DCAF8L2: variants seen among roughly 807,000 people sequenced by gnomAD.
DCAF8L2 encodes DDB1- and CUL4-associated factor 8-like protein 2.
For missense variants in DCAF8L2, 430 were observed against 490.7 expected, an observed-to-expected ratio of 0.88 and a Z score of 1.17; for synonymous variants, 200 against 190.9, an observed-to-expected ratio of 1.05 and a Z score of -0.39.
At position 27,749,832 on chromosome X, in the gene DCAF8L2, C is replaced by T. The variant is rs773052931; in HGVS notation, c.*1041C>T. 8.9e-6 allele frequency among the ~76,000 whole-genome samples: 1 copy of T among 112,572 alleles called. No individual in the cohort carries two copies. Among genetic ancestry groups the T allele is most frequent in the African/African-American group, 3.2e-5 (1 of 31,056 alleles). On this transcript the variant is annotated 3_prime_UTR_variant, in exon 5 of 5. Coordinates refer to ENST00000451261, the MANE Select transcript of DCAF8L2 (RefSeq NM_001353450.2). ...ACATCCTCACATTGCTTAAAATTCT[C>T]TCTGCTGTTTAAATTGCTTTAAAAA...
chrX:27,578,782 A>G, the DCAF8L2 span, among the ~76,000 whole-genome samples: 6 of 111,307 alleles, frequency 5.4e-5, no homozygotes, highest in Admixed American at 4.8e-4. Context: ...CCTTTATGTG[A>G]CCAACAAACG....
At chrX:27,722,370 G>A (rs1454037702) in intron 4 of DCAF8L2, among the ~76,000 whole-genome samples, 1 of 111,211 alleles carries the variant, frequency 9.0e-6, no homozygotes, top group African/African-American at 3.3e-5. Context: ...TTAATAAACC[G>A]AACCTATTGA....
At chrX:27,548,789 A>C in the DCAF8L2 span, among the ~76,000 whole-genome samples, 1 of 111,974 alleles carries the variant, frequency 8.9e-6, no homozygotes, top group African/African-American at 3.2e-5. Context: ...CATTTCATCT[A>C]GGTTGAATAA....
chrX:27,485,998 T>C, the DCAF8L2 span, among the ~76,000 whole-genome samples: 3 of 101,628 alleles, frequency 3.0e-5, no homozygotes, highest in African/African-American at 1.1e-4. Flanking sequence ...TATCGTATTA[T>C]GTTCCACTCT....
chrX:27,529,270 T>C, the DCAF8L2 span, among the ~76,000 whole-genome samples: 1 of 111,271 alleles, frequency 9.0e-6, no homozygotes, highest in Non-Finnish European at 1.9e-5. Flanking sequence ...AGAGTATGAC[T>C]CTCCTATAGC....
the DCAF8L2 span, chrX:27,518,204 C>A: frequency 5.6e-6 from 5 of 895,347 alleles, no homozygotes; most frequent in Non-Finnish European, 8.2e-6. Context: ...GCTTCCTATG[C>A]TGTCCAAGCC....
chrX:27,704,167 T>TACACACAC (rs1259415695), intron 3 of DCAF8L2, among the ~76,000 whole-genome samples: 2 of 62,233 alleles, frequency 3.2e-5, no homozygotes, highest in African/African-American at 1.7e-4. Flanking sequence ...TATATATATA[T>TACACACAC]ATATATACAT....
the DCAF8L2 span, among the ~76,000 whole-genome samples, chrX:27,489,753 A>G: frequency 8.9e-6 from 1 of 112,286 alleles, no homozygotes; most frequent in East Asian, 2.8e-4. Context: ...AAAATATTAC[A>G]TTCCCCTCAC....
upstream of DCAF8L2, among the ~76,000 whole-genome samples, chrX:27,586,394 A>G (rs1925903648): frequency 9.0e-6 from 1 of 111,592 alleles, no homozygotes; most frequent in Admixed American, 9.6e-5. Context: ...AAGATTGTTC[A>G]TAGTATTAAG....
At chrX:27,588,676 T>G (rs781533962), upstream of DCAF8L2, among the ~76,000 whole-genome samples, 6 of 111,113 alleles carry the variant, frequency 5.4e-5, no homozygotes, top group African/African-American at 2.0e-4. Flanking sequence ...GTAGCCATTC[T>G]GACAGGTGTG....
intron 1 of DCAF8L2, among the ~76,000 whole-genome samples, chrX:27,607,393 C>A (rs756924292): frequency 2.9e-4 from 32 of 111,004 alleles, no homozygotes; most frequent in African/African-American, 1.0e-3. Context: ...TTTCTTGAAT[C>A]ATTTCCTGTA....
intron 1 of DCAF8L2, among the ~76,000 whole-genome samples, chrX:27,590,991 TTATATATATA>T (rs10571931): frequency 1.5e-5 from 1 of 68,054 alleles, no homozygotes; most frequent in Non-Finnish European, 3.0e-5. Flanking sequence ...CCTTTACATT[TTATATATATA>T]TATATATATA....
intron 3 of DCAF8L2, among the ~76,000 whole-genome samples, chrX:27,694,175 T>TA: frequency 9.1e-6 from 1 of 110,406 alleles, no homozygotes; most frequent in South Asian, 3.9e-4. Flanking sequence ...CACGTGGACA[T>TA]AAAGATGGGA....
chrX:27,570,946 A>G, the DCAF8L2 span, among the ~76,000 whole-genome samples: 2 of 111,148 alleles, frequency 1.8e-5, no homozygotes, highest in African/African-American at 3.3e-5. Flanking sequence ...AAAACCCAAT[A>G]AAACCTCTTT....
At chrX:27,725,923 T>A (rs1266845327) in intron 4 of DCAF8L2, among the ~76,000 whole-genome samples, 1 of 111,212 alleles carries the variant, frequency 9.0e-6, no homozygotes, top group Non-Finnish European at 1.9e-5. Flanking sequence ...AATACAAATG[T>A]TCTTTCAATT....
At chrX:27,517,100 A>G in the DCAF8L2 span, among the ~76,000 whole-genome samples, 1 of 112,097 alleles carries the variant, frequency 8.9e-6, no homozygotes, top group Non-Finnish European at 1.9e-5. Flanking sequence ...GACTGTGATT[A>G]GATAACCAAA....
intron 4 of DCAF8L2, among the ~76,000 whole-genome samples, chrX:27,745,261 CCTT>C (rs965130968): frequency 1.5e-4 from 17 of 112,199 alleles, no homozygotes; most frequent in Non-Finnish European, 2.3e-4. Context: ...CAGATTTCAA[CCTT>C]CTTCTCTTTT....
At chrX:27,600,208 G>A (rs1926577272) in intron 1 of DCAF8L2, among the ~76,000 whole-genome samples, 1 of 111,886 alleles carries the variant, frequency 8.9e-6, no homozygotes, top group African/African-American at 3.2e-5. Flanking sequence ...ATGTGTGTGT[G>A]TATCAGAATA....
chrX:27,596,677 T>A (rs1926372536), intron 1 of DCAF8L2, among the ~76,000 whole-genome samples: 1 of 111,267 alleles, frequency 9.0e-6, no homozygotes, highest in Non-Finnish European at 1.9e-5. Context: ...AACTAATACA[T>A]GAGAAGAATC....
Sources: allele counts gnomAD v4.1 joint callset (sites outside exome capture counted in the v4.1 genomes callset), GRCh38; gene constraint gnomAD v4.1.1; transcripts MANE v1.5; gene names NCBI Gene and HGNC (gene_info 2026-07-23, HGNC 2026-07-21).